Variants in GRM7 observed in about 807,000 individuals in gnomAD.
GRM7 encodes glutamate metabotropic receptor 7.
In GRM7, 35 loss-of-function variants were observed where a neutral mutation model predicts 84.5. The observed-to-expected ratio is 0.41, with a 90% CI of 0.32 to 0.55. GRM7 has a LOEUF of 0.55. Ranked by LOEUF, GRM7 falls within the 20% of genes least tolerant of loss-of-function variation. GRM7 has a pLI of 0.19. For missense variants in GRM7, 1,003 were observed against 1,194.6 expected (o/e 0.84, Z 2.36); for synonymous variants, 487 against 455.1 (o/e 1.07, Z -0.89).
intron 2 of GRM7, among the ~76,000 whole-genome samples, chr3:7,190,896 C>T (rs1225757118): frequency 6.6e-6 from 1 of 152,006 alleles, no homozygotes; most frequent in African/African-American, 2.4e-5. Context: ...ATCCATTTTC[C>T]AGCATCTAAA....
chr3:7,712,081 T>A (rs1701598196), intron 9 of GRM7, among the ~76,000 whole-genome samples: 3 of 152,124 alleles, frequency 2.0e-5, no homozygotes, highest in Admixed American at 2.0e-4. Context: ...AAACTCAATC[T>A]CCTTAGCGGG....
In GRM7 at chr3:7,151,606, C is replaced by T. The variant is rs530587007; in HGVS notation, c.736+4938C>T. ...AGGGCAAGGACATTTTCCTGTGTTT[C>T]TATTATCTAAGATAATTCCTAGTAC... On this transcript the variant is annotated intron_variant, in intron 2 of 9. Transcript: ENST00000357716. This position sits in a 1 kb window ranked among gnomAD's most constrained non-coding sequence, Gnocchi z 4.5. 6.6e-6 allele frequency among the ~76,000 whole-genome samples: 1 copy of T among 152,236 alleles called. No homozygotes were observed. The highest frequency in any genetic ancestry group is 6.5e-5 in the Admixed American group (1 of 15,290).
At chr3:7,432,754 CTGAA>C (rs1696883509) in intron 5 of GRM7, among the ~76,000 whole-genome samples, 1 of 151,882 alleles carries the variant, frequency 6.6e-6, no homozygotes, top group African/African-American at 2.4e-5. Context: ...TGATAAAACA[CTGAA>C]TGGATGGGTT....
intron 1 of GRM7, among the ~76,000 whole-genome samples, chr3:6,954,935 C>T (rs1484627979): frequency 2.0e-5 from 3 of 152,156 alleles, no homozygotes; most frequent in African/African-American, 7.2e-5. Context: ...CTTTTAACTG[C>T]TGAGGCTCAG....
At chr3:7,462,634 G>A (rs1240587300) in intron 7 of GRM7, among the ~76,000 whole-genome samples, 1 of 152,186 alleles carries the variant, frequency 6.6e-6, no homozygotes, top group African/African-American at 2.4e-5. Context: ...CCATTTCTTG[G>A]GAAGTGGAAG....
chr3:7,557,525 T>A (rs1049895260), intron 7 of GRM7, among the ~76,000 whole-genome samples: 9 of 152,176 alleles, frequency 5.9e-5, no homozygotes, highest in African/African-American at 2.2e-4. Flanking sequence ...CCTCCATGTT[T>A]TGAGTGCTTT....
chr3:6,923,084 G>A (rs370532644), intron 1 of GRM7, among the ~76,000 whole-genome samples: 5 of 151,858 alleles, frequency 3.3e-5, no homozygotes, highest in African/African-American at 1.2e-4. Flanking sequence ...GCGGAATCTC[G>A]GCTCATTGCA....
At position 7,429,930 on chromosome 3, in the gene GRM7, T is replaced by G. The variant is rs367587570; in HGVS notation, c.1174+14767T>G. Among the ~76,000 whole-genome samples the G allele has an allele frequency of 3.2e-4, 49 of 152,238 alleles. 2 individuals are homozygous for G. In the South Asian group the frequency reaches 0.01, roughly 32 times the overall value. ...TCATTTAGAAACCACAAAAGAAAAATTATGCTCTAACTGGCTCCTTAAAAT... is the reference window on the plus strand; with the variant it reads ...TCATTTAGAAACCACAAAAGAAAAAGTATGCTCTAACTGGCTCCTTAAAAT... On this transcript the variant is annotated intron_variant, in intron 5 of 9. Transcript: ENST00000357716.
intron 1 of GRM7, among the ~76,000 whole-genome samples, chr3:6,913,488 TG>T (rs757336371): frequency 2.6e-5 from 4 of 152,188 alleles, no homozygotes; most frequent in African/African-American, 9.7e-5. Context: ...AAATCCGTTA[TG>T]TGAAAATACT....
intron 8 of GRM7, among the ~76,000 whole-genome samples, chr3:7,597,045 T>C (rs1164469867): frequency 6.6e-6 from 1 of 152,206 alleles, no homozygotes; most frequent in Non-Finnish European, 1.5e-5. Flanking sequence ...ATTATTCGGC[T>C]ATAAAGAAAT....
intron 9 of GRM7, among the ~76,000 whole-genome samples, chr3:7,719,947 A>G (rs1041777263): frequency 1.3e-5 from 2 of 152,178 alleles, no homozygotes; most frequent in Admixed American, 6.5e-5. Flanking sequence ...GATAATAATT[A>G]TGATGGTGGA....
intron 8 of GRM7, among the ~76,000 whole-genome samples, chr3:7,620,993 G>T (rs1697331001): frequency 6.6e-6 from 1 of 152,212 alleles, no homozygotes; most frequent in African/African-American, 2.4e-5. Context: ...AATTTCCAGG[G>T]TGTCGTAGTC....
intron 8 of GRM7, among the ~76,000 whole-genome samples, chr3:7,595,387 C>T (rs1695987876): frequency 1.3e-5 from 2 of 152,124 alleles, no homozygotes. Context: ...AACTCCTTTA[C>T]AAGGATCTGC....
intron 1 of GRM7, among the ~76,000 whole-genome samples, chr3:7,021,911 A>G (rs1189543735): frequency 6.6e-6 from 1 of 152,186 alleles, no homozygotes; most frequent in Non-Finnish European, 1.5e-5. Context: ...TGGTGTGAAA[A>G]TGTTGCCTAA....
intron 1 of GRM7, among the ~76,000 whole-genome samples, chr3:7,069,801 A>G (rs1303504855): frequency 6.6e-6 from 1 of 152,082 alleles, no homozygotes; most frequent in African/African-American, 2.4e-5. Flanking sequence ...TGTAGCTGAC[A>G]AAGTGAAGAG....
chr3:7,173,296 T>C (rs1695043707), intron 2 of GRM7, among the ~76,000 whole-genome samples: 1 of 152,202 alleles, frequency 6.6e-6, no homozygotes, highest in Non-Finnish European at 1.5e-5. Flanking sequence ...ACCACTTCTC[T>C]CCATTTCTGC....
intron 2 of GRM7, among the ~76,000 whole-genome samples, chr3:7,192,993 C>A (rs1488101298): frequency 6.6e-6 from 1 of 152,138 alleles, no homozygotes; most frequent in African/African-American, 2.4e-5. Context: ...TCAATGCCTG[C>A]ATTCTCCACG....
At chr3:6,970,895 T>A (rs369943015) in intron 1 of GRM7, among the ~76,000 whole-genome samples, 1 of 152,100 alleles carries the variant, frequency 6.6e-6, no homozygotes, top group African/African-American at 2.4e-5. Flanking sequence ...GGCAGGAGAA[T>A]GGCGTGAACC....
intron 1 of GRM7, among the ~76,000 whole-genome samples, chr3:7,033,897 A>AT (rs1248102199): frequency 6.6e-6 from 1 of 152,144 alleles, no homozygotes; most frequent in Non-Finnish European, 1.5e-5. Flanking sequence ...TTGCTAATTT[A>AT]TTATATTTCT....
Sources: allele counts gnomAD v4.1 joint callset (sites outside exome capture counted in the v4.1 genomes callset), GRCh38; gene constraint gnomAD v4.1.1; non-coding constraint Gnocchi (gnomAD v3.1); transcripts MANE v1.5; gene names NCBI Gene and HGNC (gene_info 2026-07-23, HGNC 2026-07-21).